Variants in ARHGAP24 observed in about 807,000 individuals in gnomAD.
ARHGAP24 encodes Rho GTPase activating protein 24, also known as rho GTPase-activating protein 24.
A neutral mutation model predicts 76.4 loss-of-function variants in ARHGAP24; 50 were observed. That is an observed-to-expected ratio of 0.65 (90% confidence interval 0.52 to 0.83). ARHGAP24 has a LOEUF of 0.83. Ranked by LOEUF, ARHGAP24 falls within the 40% of genes least tolerant of loss-of-function variation. The pLI, the probability that ARHGAP24 is intolerant of heterozygous loss-of-function variation, is 0.00. For synonymous variants in ARHGAP24, 345 were observed against 323.3 expected, an observed-to-expected ratio of 1.07 and a Z score of -0.72; for missense variants, 930 against 914.2, an observed-to-expected ratio of 1.02 and a Z score of -0.22.
intron 2 of ARHGAP24, among the ~76,000 whole-genome samples, chr4:85,590,899 G>A (rs1168416753): frequency 6.6e-6 from 1 of 151,560 alleles, no homozygotes; most frequent in Non-Finnish European, 1.5e-5. Context: ...ATATGTACAG[G>A]AAAAAAATAA....
At chr4:85,959,139 A>G (rs992628158) in intron 5 of ARHGAP24, among the ~76,000 whole-genome samples, 5 of 152,174 alleles carry the variant, frequency 3.3e-5, no homozygotes, top group African/African-American at 1.2e-4. Context: ...TTTTATGGTT[A>G]TTTCTTGATG....
chr4:85,710,021 A>T (rs971495794), intron 2 of ARHGAP24, among the ~76,000 whole-genome samples: 3 of 152,198 alleles, frequency 2.0e-5, no homozygotes, highest in Admixed American at 1.3e-4. Context: ...AACTATTTAA[A>T]AATTTATATG....
intron 2 of ARHGAP24, among the ~76,000 whole-genome samples, chr4:85,607,703 A>C (rs1252554015): frequency 3.0e-5 from 4 of 134,682 alleles, no homozygotes; most frequent in Non-Finnish European, 6.5e-5. Flanking sequence ...TTTTTAAGAA[A>C]CTTGGCACGG....
Position 86,001,261 on chromosome 4 carries a change from A to T in ARHGAP24, c.*539A>T. The T allele has an allele frequency of 5.0e-6, 2 of 399,076 alleles. No individual in the cohort carries two copies. Among genetic ancestry groups the T allele is most frequent in the South Asian group, 1.3e-4 (1 of 7,856 alleles). The allele number at this position is 399,076 out of a possible 1,614,324, so 24.7% of individuals were successfully genotyped here. On this transcript the variant is annotated 3_prime_UTR_variant, in exon 10 of 10. Transcript: ENST00000395184. ...GCTGTTTGTGCCAATAGACTTTGTC[A>T]TGACCAAAAAGAGAAATGTAAATAG...
intron 3 of ARHGAP24, among the ~76,000 whole-genome samples, chr4:85,878,006 A>G (rs1419492935): frequency 7.2e-5 from 11 of 152,190 alleles, no homozygotes; most frequent in African/African-American, 2.7e-4. Flanking sequence ...GGAACATCAA[A>G]TACTTTCATA....
At chr4:85,669,691 A>ATATG (rs1722760053) in intron 2 of ARHGAP24, among the ~76,000 whole-genome samples, 1 of 76,464 alleles carries the variant, frequency 1.3e-5, no homozygotes, top group Admixed American at 1.8e-4. Context: ...ATATATATAT[A>ATATG]TGTGATATAT....
At chr4:85,576,417 G>C (rs1442007826) in intron 2 of ARHGAP24, among the ~76,000 whole-genome samples, 1 of 150,080 alleles carries the variant, frequency 6.7e-6, no homozygotes, top group African/African-American at 2.5e-5. Flanking sequence ...GCGACAGAGC[G>C]AGACTCCATC....
intron 1 of ARHGAP24, among the ~76,000 whole-genome samples, chr4:85,551,929 G>A (rs557037679): frequency 3.3e-5 from 5 of 151,702 alleles, no homozygotes; most frequent in East Asian, 1.9e-4. Context: ...TCATTATTAC[G>A]CTAGCTAATG....
chr4:85,506,781 A>G (rs1724069817), intron 1 of ARHGAP24, among the ~76,000 whole-genome samples: 2 of 148,578 alleles, frequency 1.3e-5, no homozygotes, highest in South Asian at 2.1e-4. Context: ...AGTGAGATGA[A>G]CCAGGTACCT....
chr4:85,857,077 C>A (rs1006046283), intron 3 of ARHGAP24, among the ~76,000 whole-genome samples: 2 of 152,050 alleles, frequency 1.3e-5, no homozygotes, highest in Admixed American at 6.6e-5. Context: ...AATAATACTT[C>A]TGGAATATAC....
At chr4:85,683,126 GGT>G (rs1318383679) in intron 2 of ARHGAP24, among the ~76,000 whole-genome samples, 10 of 87,602 alleles carry the variant, frequency 1.1e-4, no homozygotes, top group African/African-American at 2.4e-4. Flanking sequence ...GTGGGGGGGG[GGT>G]GCGGGGGCTG....
chr4:85,945,680 A>C (rs1429103060), intron 5 of ARHGAP24, among the ~76,000 whole-genome samples: 1 of 151,234 alleles, frequency 6.6e-6, no homozygotes, highest in East Asian at 2.0e-4. Context: ...GAATCTCTTG[A>C]ACCCGGGAGG....
At chr4:85,564,402 G>A (rs1726728403) in intron 1 of ARHGAP24, among the ~76,000 whole-genome samples, 1 of 145,066 alleles carries the variant, frequency 6.9e-6, no homozygotes, top group Non-Finnish European at 1.5e-5. Context: ...GTGGGGTGGG[G>A]GGAGCGGGGG....
intron 3 of ARHGAP24, among the ~76,000 whole-genome samples, chr4:85,787,404 A>G (rs767552092): frequency 2.0e-5 from 3 of 152,178 alleles, no homozygotes; most frequent in Non-Finnish European, 4.4e-5. Context: ...CTTAGACTCA[A>G]TGCTGACATT....
chr4:85,847,740 T>G (rs1258757317), intron 3 of ARHGAP24, among the ~76,000 whole-genome samples: 1 of 152,162 alleles, frequency 6.6e-6, no homozygotes, highest in Non-Finnish European at 1.5e-5. Flanking sequence ...GGCACACATA[T>G]AGTTGTCACT....
At chr4:85,553,305 G>A (rs906059448) in intron 1 of ARHGAP24, among the ~76,000 whole-genome samples, 5 of 152,094 alleles carry the variant, frequency 3.3e-5, no homozygotes, top group African/African-American at 7.2e-5. Flanking sequence ...GTGGGTTGCC[G>A]CTACTGGCTC....
intron 2 of ARHGAP24, among the ~76,000 whole-genome samples, chr4:85,696,497 G>A (rs994851352): frequency 6.6e-6 from 1 of 152,136 alleles, no homozygotes; most frequent in Non-Finnish European, 1.5e-5. Context: ...AATTCAATAA[G>A]CAGAATGATT....
intron 3 of ARHGAP24, among the ~76,000 whole-genome samples, chr4:85,832,451 A>G (rs908083892): frequency 2.0e-5 from 3 of 152,246 alleles, no homozygotes; most frequent in East Asian, 1.9e-4. Context: ...CTTCAGGCCC[A>G]CAAGGCCTCA....
intron 3 of ARHGAP24, among the ~76,000 whole-genome samples, chr4:85,865,970 C>G (rs345343): frequency 1 from 151,851 of 152,260 alleles, 75,725 homozygotes; most frequent in Middle Eastern, 1. Context: ...AGTGGATTTA[C>G]TTGCTGGAAA....
Sources: gnomAD v4.1 joint callset for allele counts (sites outside exome capture counted in the v4.1 genomes callset) on GRCh38, gnomAD v4.1.1 for gene constraint, MANE v1.5 for transcripts, NCBI Gene and HGNC (gene_info 2026-07-23, HGNC 2026-07-21) for gene names.